The following POT1 variants were observed in gnomAD, a reference collection of about 807,000 sequenced individuals.
POT1 encodes the protein protection of telomeres 1.
POT1 carries 47 observed loss-of-function variants against 78.5 expected under a neutral mutation model. The observed-to-expected ratio is 0.60, with a 90% CI of 0.47 to 0.76. POT1 has a LOEUF of 0.76. POT1 is among the 30% of genes least tolerant of loss of function. POT1 has a pLI of 0.00. For missense variants in POT1, 646 were observed against 749.9 expected, an observed-to-expected ratio of 0.86 and a Z score of 1.62; for synonymous variants, 259 against 260.7, an observed-to-expected ratio of 0.99 and a Z score of 0.06.
At chr7:124,840,550 C>T (rs1795001813) in intron 14 of POT1, 1 of 152,106 alleles carries the variant, frequency 6.6e-6, no homozygotes, top group African/African-American at 2.4e-5. Flanking sequence ...GTTATCTTTA[C>T]TTGTTTCAAT....
At chr7:124,886,844 ATGT>A (rs1406541117) in intron 6 of POT1, among the ~76,000 whole-genome samples, 2 of 152,158 alleles carry the variant, frequency 1.3e-5, no homozygotes, top group African/African-American at 2.4e-5. Flanking sequence ...CTGAAAATTA[ATGT>A]TGTCATCAAT....
At chr7:124,916,941 A>G (rs1173238072) in intron 2 of POT1, among the ~76,000 whole-genome samples, 3 of 152,130 alleles carry the variant, frequency 2.0e-5, no homozygotes, top group Non-Finnish European at 2.9e-5. Context: ...TTTCTTTCAG[A>G]ACAAAGGACT....
chr7:124,871,778 T>C (rs1795877002), intron 6 of POT1, among the ~76,000 whole-genome samples: 1 of 151,926 alleles, frequency 6.6e-6, no homozygotes, highest in South Asian at 2.1e-4. Context: ...TGTATGTATT[T>C]ATGGTGTGCT....
Position 124,892,662 on chromosome 7 carries a change from C to T in POT1, c.10-282G>A, listed in dbSNP as rs7357296. On this transcript the variant is annotated intron_variant, in intron 5 of 18. Coordinates refer to ENST00000357628, the MANE Select transcript of POT1 (RefSeq NM_015450.3). ...TCTTCAATAAAAACATAGCAAACAG[C>T]ATATACATATAGTCCCTGACTTATG... The T allele has an allele frequency of 0.6, 113,331 of 187,882 alleles. 34,306 individuals carry two copies. The highest frequency in any genetic ancestry group is 0.66 in the Middle Eastern group (328 of 496). The allele number at this position is 187,882 out of a possible 1,614,324, so 11.6% of individuals were successfully genotyped here. A position where few individuals can be genotyped will look rare whatever the true frequency, so the allele number is the denominator to read the frequency against.
intron 2 of POT1, among the ~76,000 whole-genome samples, chr7:124,923,920 G>A (rs958644440): frequency 6.6e-6 from 1 of 151,202 alleles, no homozygotes; most frequent in African/African-American, 2.4e-5. Context: ...CAAAAAAACT[G>A]TAAGCCAAAA....
intron 3 of POT1, among the ~76,000 whole-genome samples, chr7:124,910,912 T>C (rs1796875670): frequency 6.6e-6 from 1 of 152,018 alleles, no homozygotes; most frequent in Non-Finnish European, 1.5e-5. Flanking sequence ...CATTTTTAAA[T>C]GTATTCATAC....
intron 2 of POT1, among the ~76,000 whole-genome samples, chr7:124,917,574 G>C (rs929470447): frequency 6.6e-6 from 1 of 152,038 alleles, no homozygotes; most frequent in Non-Finnish European, 1.5e-5. Context: ...GTACAGCTTT[G>C]AACAATAACA....
intron 5 of POT1, among the ~76,000 whole-genome samples, chr7:124,895,606 A>G (rs1796473983): frequency 6.6e-6 from 1 of 151,748 alleles, no homozygotes; most frequent in Admixed American, 6.6e-5. Flanking sequence ...CACTAAAAAT[A>G]AGTGTGAACA....
At chr7:124,826,297 T>C (rs1217302841) in intron 17 of POT1, among the ~76,000 whole-genome samples, 3 of 152,216 alleles carry the variant, frequency 2.0e-5, no homozygotes, top group Admixed American at 6.5e-5. Context: ...GTTCCATGTC[T>C]GGAACTTTCC....
chr7:124,902,965 G>A (rs1796660534), intron 3 of POT1, among the ~76,000 whole-genome samples: 1 of 152,136 alleles, frequency 6.6e-6, no homozygotes, highest in South Asian at 2.1e-4. Context: ...AAGTCCACAA[G>A]AAAAGCTAAC....
intron 6 of POT1, among the ~76,000 whole-genome samples, chr7:124,885,483 T>C (rs1796221877): frequency 6.6e-6 from 1 of 151,248 alleles, no homozygotes. Flanking sequence ...CTTAAAAAAA[T>C]AGGCCGGGTG....
chr7:124,884,165 G>A (rs1352419057), intron 6 of POT1, among the ~76,000 whole-genome samples: 1 of 152,052 alleles, frequency 6.6e-6, no homozygotes, highest in East Asian at 1.9e-4. Flanking sequence ...CTTCTCAGAT[G>A]TGAAAATAAT....
intron 15 of POT1, 46 bp downstream of exon 15, chr7:124,835,233 A>T: frequency 6.3e-7 from 1 of 1,583,036 alleles, no homozygotes; most frequent in Middle Eastern, 1.7e-4. Flanking sequence ...CCAGAACTTA[A>T]AAGTATAATA....
Position 124,841,179 on chromosome 7 carries a change from C to A in POT1, c.1164-1G>T. On this transcript the variant is annotated splice_acceptor_variant, in intron 13 of 18. Transcript: ENST00000357628. LOFTEE classifies it high-confidence loss of function. ...ATCGCCCTCATGTGGAACTTCTTGCCTAAAATTATTGGCAATGAAATGATA... is the reference window on the plus strand; with the variant it reads ...ATCGCCCTCATGTGGAACTTCTTGCATAAAATTATTGGCAATGAAATGATA... The A allele has an allele frequency of 6.2e-7, 1 of 1,609,264 alleles. No individual in the cohort carries two copies. The highest frequency in any genetic ancestry group is 1.1e-5 in the South Asian group (1 of 89,844).
chr7:124,833,411 G>A (rs1319035832), intron 15 of POT1, among the ~76,000 whole-genome samples: 7 of 152,050 alleles, frequency 4.6e-5, no homozygotes, highest in African/African-American at 9.7e-5. Flanking sequence ...TGTAGAAGTC[G>A]GAAAGAAAGA....
At chr7:124,904,243 T>G (rs1796700781) in intron 3 of POT1, among the ~76,000 whole-genome samples, 1 of 152,172 alleles carries the variant, frequency 6.6e-6, no homozygotes, top group African/African-American at 2.4e-5. Context: ...ATATCCCTGA[T>G]GAACATCAGT....
intron 3 of POT1, among the ~76,000 whole-genome samples, chr7:124,913,043 G>A (rs996300736): frequency 1.3e-5 from 2 of 152,208 alleles, no homozygotes; most frequent in Non-Finnish European, 2.9e-5. Context: ...GTGGATGGCA[G>A]TAGGCAAAGA....
At chr7:124,916,999 T>C (rs543233331) in intron 2 of POT1, among the ~76,000 whole-genome samples, 24 of 152,012 alleles carry the variant, frequency 1.6e-4, no homozygotes, top group East Asian at 3.9e-4. Flanking sequence ...TCCAAGACCA[T>C]TGGTGAAAAC....
At chr7:124,890,731 C>T (rs1796350600) in intron 6 of POT1, among the ~76,000 whole-genome samples, 1 of 151,822 alleles carries the variant, frequency 6.6e-6, no homozygotes, top group Admixed American at 6.6e-5. Flanking sequence ...AAGGTGCATA[C>T]ATTTTTTAAT....
Sources: gnomAD v4.1 joint callset for allele counts (sites outside exome capture counted in the v4.1 genomes callset) on GRCh38, gnomAD v4.1.1 for gene constraint, MANE v1.5 for transcripts, NCBI Gene and HGNC (gene_info 2026-07-23, HGNC 2026-07-21) for gene names.